CIAO3: variants seen among roughly 807,000 people sequenced by gnomAD.
CIAO3 encodes cytosolic iron-sulfur assembly component 3.
Under a neutral mutation model 51.5 loss-of-function variants are expected in CIAO3, and 45 were observed. The observed-to-expected ratio is 0.87, with a 90% CI of 0.69 to 1.12. CIAO3 has a LOEUF of 1.12. Ranked by LOEUF, CIAO3 falls within the 50% of genes most tolerant of loss-of-function variation. The pLI is 0.00. For synonymous variants in CIAO3, 314 were observed against 269.3 expected (o/e 1.17, Z -1.63); for missense variants, 668 against 632.5 (o/e 1.06, Z -0.60).
chr16:739,036 G>A (rs2041366427), intron 2 of CIAO3, among the ~76,000 whole-genome samples: 3 of 148,998 alleles, frequency 2.0e-5, no homozygotes. Context: ...GGTGGCTCAC[G>A]CCTGTAATCC....
chr16:733,184 A>G (rs1267706143), intron 7 of CIAO3, 114 bp downstream of exon 7: 3 of 1,388,594 alleles, frequency 2.2e-6, no homozygotes, highest in Non-Finnish European at 2.9e-6. Context: ...GCGAGCCCCC[A>G]CACTCCAGCC....
At position 732,257 on chromosome 16, in the gene CIAO3, C is replaced by G. The variant is rs529069890; in HGVS notation, c.896+44G>C. 1.7e-5 allele frequency: 26 copies of G among 1,557,640 alleles called. No homozygotes were observed. The African/African-American group carries it at 2.3e-4, about 14-fold the overall frequency. On this transcript the variant is annotated intron_variant, in intron 8 of 10. Transcript: ENST00000251588. ...AGGGGGATGCTATCCTCAGAGGCAG[C>G]GTTAGAAGCTAAAATAACAGTTCTT...
Position 734,733 on chromosome 16 carries a change from A to G in CIAO3, c.574+4T>C, listed in dbSNP as rs1034044162. 1 of 1,612,684 alleles carries G rather than the reference A, an allele frequency of 6.2e-7. No homozygotes were observed. Among genetic ancestry groups the G allele is most frequent in the Non-Finnish European group, 8.5e-7 (1 of 1,179,784 alleles). ...CTCTCCCACCACCCGCACCATGAGCACACCTGGGCAGGCAGAGGCCAGCAG... is the reference window on the plus strand; with the variant it reads ...CTCTCCCACCACCCGCACCATGAGCGCACCTGGGCAGGCAGAGGCCAGCAG... On this transcript the variant is annotated splice_donor_region_variant and intron_variant, in intron 5 of 10. Coordinates refer to ENST00000251588, the MANE Select transcript of CIAO3 (RefSeq NM_022493.3).
At chr16:730,736 C>T (rs35455787) in intron 10 of CIAO3, 81 bp from the exon 11 acceptor site, 31 of 1,577,842 alleles carry the variant, frequency 2.0e-5, no homozygotes, top group Middle Eastern at 1.7e-4. Context: ...GGGAGGTGAC[C>T]GGGCCCCCTC....
intron 5 of CIAO3, 34 bp from the exon 6 acceptor site, chr16:734,381 G>T (rs775137805): frequency 6.7e-7 from 1 of 1,484,984 alleles, no homozygotes; most frequent in South Asian, 1.2e-5. Context: ...GGCTGGCGGG[G>T]GCGCACGGCG....
intron 4 of CIAO3, chr16:735,105 C>A (rs1233458508): frequency 2.0e-6 from 1 of 499,922 alleles, no homozygotes; most frequent in Non-Finnish European, 3.4e-6. Context: ...GAACCCAGGC[C>A]TTGGTTTCCC....
chr16:740,091 C>T (rs1226027252), intron 1 of CIAO3: 4 of 1,332,100 alleles, frequency 3.0e-6, no homozygotes, highest in African/African-American at 3.0e-5. Flanking sequence ...ATCGAGAGGA[C>T]GTGTGCTTGG....
At chr16:733,153 G>C in intron 7 of CIAO3, 145 bp downstream of exon 7, 2 of 1,065,758 alleles carry the variant, frequency 1.9e-6, no homozygotes, top group Middle Eastern at 3.2e-4. Flanking sequence ...CAAGGGGAGA[G>C]ACGAAGGTAC....
chr16:737,727 A>G lies in CIAO3; in HGVS notation c.163-398T>C, dbSNP rs771515825. 5 of 1,288,822 alleles carry G rather than the reference A, an allele frequency of 3.9e-6. 1 individual carries two copies. The highest frequency in any genetic ancestry group is 2.0e-6 in the Non-Finnish European group (2 of 989,016). 79.8% of individuals were successfully genotyped at this position (1,288,822 alleles called of 1,614,324 possible). On this transcript the variant is annotated intron_variant, in intron 2 of 10. Transcript: ENST00000251588. This position sits in a 1 kb window ranked among gnomAD's most constrained non-coding sequence, Gnocchi z 5.3. ...GGAGGAGGCGGGAAAGCTGAGGACA[A>G]AGGAGGAAAGGACGAAGGCACAGGA...
At chr16:735,841 C>T (rs1425108901) in intron 4 of CIAO3, among the ~76,000 whole-genome samples, 1 of 152,144 alleles carries the variant, frequency 6.6e-6, no homozygotes, top group Non-Finnish European at 1.5e-5. Context: ...GAGGTCCAGC[C>T]CCTTCATTCC....
In CIAO3 at chr16:729,834, T is replaced by C. The variant is rs2151598583; in HGVS notation, c.*583A>G. 1.4e-6 allele frequency: 1 copy of C among 695,638 alleles called. No individual in the cohort carries two copies. The highest frequency in any genetic ancestry group is 5.4e-5 in the East Asian group (1 of 18,678). 43.1% of individuals were successfully genotyped at this position (695,638 alleles called of 1,614,324 possible). ...GCCTGGTGGGGACCTGGCTGGGGGA[T>C]GATGCAGCCCGCGATGGCTGCTGCT... On this transcript the variant is annotated 3_prime_UTR_variant, in exon 11 of 11. Transcript: ENST00000251588.
chr16:734,737 C>T lies in CIAO3; in HGVS notation c.574G>A (p.Gly192Ser). 1 of 1,612,806 alleles carries T rather than the reference C, an allele frequency of 6.2e-7. No individual in the cohort carries two copies. Among genetic ancestry groups the T allele is most frequent in the Non-Finnish European group, 8.5e-7 (1 of 1,179,826 alleles). Reference sequence around the variant, plus strand: ...CCCACCACCCGCACCATGAGCACACCTGGGCAGGCAGAGGCCAGCAGGGGC... The same window carrying T: ...CCCACCACCCGCACCATGAGCACACTTGGGCAGGCAGAGGCCAGCAGGGGC... ...ALPLLASACP[G>S]WICYAEKTHG... The change falls in exon 5 of 11, where the codon GGC becomes AGC. Residue 192 changes from glycine (G) to serine (S), a missense_variant and splice_region_variant. Coordinates refer to ENST00000251588, the MANE Select transcript of CIAO3 (RefSeq NM_022493.3).
At chr16:736,136 A>G in intron 4 of CIAO3, 130 bp downstream of exon 4, 1 of 1,192,662 alleles carries the variant, frequency 8.4e-7, no homozygotes, top group Admixed American at 2.1e-5. Flanking sequence ...CACAGAGGGA[A>G]TAAAGTTTCT....
At chr16:738,515 T>A (rs553849949) in intron 2 of CIAO3, 163 of 155,092 alleles carry the variant, frequency 1.1e-3, no homozygotes, top group Non-Finnish European at 1.8e-3. Flanking sequence ...GCCCAGCTAA[T>A]TTTTTTTTTT....
chr16:734,708 C>G, intron 5 of CIAO3, 29 bp downstream of exon 5: 1 of 1,612,770 alleles, frequency 6.2e-7, no homozygotes, highest in Non-Finnish European at 8.5e-7. Flanking sequence ...TTGAACTTGA[C>G]TCTCCCACCA....
At chr16:735,745 G>A (rs546667662) in intron 4 of CIAO3, among the ~76,000 whole-genome samples, 1 of 152,332 alleles carries the variant, frequency 6.6e-6, no homozygotes, top group Admixed American at 6.5e-5. Flanking sequence ...CAGGCAGTCT[G>A]CTGGTTACAA....
chr16:736,954 G>A (rs557021569), intron 3 of CIAO3: 21 of 557,720 alleles, frequency 3.8e-5, no homozygotes, highest in East Asian at 2.6e-4. Context: ...GTGAGCCCCC[G>A]CGCCCAGTAG....
In CIAO3 at chr16:731,707, C is replaced by A. The variant is rs368138110; in HGVS notation, c.897-5G>T. ...TCTGCAGAGGCACCGCTGCACCTGG[C>A]AAGGAGGGAGGGGCCTCAGCACAGC... On this transcript the variant is annotated splice_polypyrimidine_tract_variant and splice_region_variant and intron_variant, in intron 8 of 10. Transcript: ENST00000251588. The A allele has an allele frequency of 6.5e-7, 1 of 1,548,202 alleles. No homozygotes were observed.
chr16:732,137 C>G, intron 8 of CIAO3, 164 bp downstream of exon 8: 1 of 748,622 alleles, frequency 1.3e-6, no homozygotes, highest in East Asian at 2.5e-5. Context: ...CTTGGCCTCC[C>G]AAAGTGCTGG....
Sources: allele counts gnomAD v4.1 joint callset (sites outside exome capture counted in the v4.1 genomes callset), GRCh38; gene constraint gnomAD v4.1.1; non-coding constraint Gnocchi (gnomAD v3.1); transcripts MANE v1.5; gene names NCBI Gene and HGNC (gene_info 2026-07-23, HGNC 2026-07-21).